Variants in GPC6 observed in about 807,000 individuals in gnomAD.
GPC6 encodes the protein glypican-6.
GPC6 carries 14 observed loss-of-function variants against 55.2 expected under a neutral mutation model. The ratio of observed to expected loss-of-function variants is 0.25; its 90% confidence interval spans 0.17 to 0.40. The LOEUF is 0.40. Ranked by LOEUF, GPC6 falls within the 10% of genes least tolerant of loss-of-function variation. The pLI is 1.00. For missense variants in GPC6, 641 were observed against 708.5 expected (o/e 0.90, Z 1.08); for synonymous variants, 278 against 259.6 (o/e 1.07, Z -0.68).
chr13:93,621,434 G>C (rs1342298904), intron 2 of GPC6, among the ~76,000 whole-genome samples: 1 of 152,152 alleles, frequency 6.6e-6, no homozygotes, highest in Non-Finnish European at 1.5e-5. Context: ...ATTAAATCTT[G>C]TGGTAGCCAT....
chr13:94,364,278 G>A (rs1026256264), intron 6 of GPC6, among the ~76,000 whole-genome samples: 6 of 152,186 alleles, frequency 3.9e-5, no homozygotes, highest in African/African-American at 1.2e-4. Context: ...TGATGCAAAG[G>A]TGAAAGTCAA....
intron 1 of GPC6, among the ~76,000 whole-genome samples, chr13:93,350,915 A>G (rs1880608828): frequency 6.6e-6 from 1 of 152,280 alleles, no homozygotes; most frequent in Middle Eastern, 3.4e-3. Context: ...AGATGATGAC[A>G]AAGAGTCACA....
At chr13:93,670,091 A>T (rs1000768269) in intron 2 of GPC6, among the ~76,000 whole-genome samples, 5 of 152,174 alleles carry the variant, frequency 3.3e-5, no homozygotes, top group African/African-American at 1.2e-4. Flanking sequence ...AGGACTTGAG[A>T]GCAGTTAAGT....
chr13:94,168,030 T>C (rs946038506), intron 4 of GPC6, among the ~76,000 whole-genome samples: 1 of 152,246 alleles, frequency 6.6e-6, no homozygotes, highest in African/African-American at 2.4e-5. Context: ...AGTAAGTGTT[T>C]GTACATAAAT....
intron 2 of GPC6, among the ~76,000 whole-genome samples, chr13:93,737,159 C>T (rs1884032875): frequency 6.6e-6 from 1 of 152,154 alleles, no homozygotes; most frequent in Non-Finnish European, 1.5e-5. Flanking sequence ...GGCCATTGCA[C>T]TATGACTGGC....
At chr13:94,178,450 T>TAA (rs1888867376) in intron 4 of GPC6, among the ~76,000 whole-genome samples, 1 of 152,176 alleles carries the variant, frequency 6.6e-6, no homozygotes, top group Non-Finnish European at 1.5e-5. Flanking sequence ...TATTAAACAG[T>TAA]GATTTCAACA....
chr13:93,692,054 C>T (rs945005231), intron 2 of GPC6, among the ~76,000 whole-genome samples: 3 of 152,014 alleles, frequency 2.0e-5, no homozygotes, highest in African/African-American at 7.2e-5. Context: ...GGGTTCCACT[C>T]ATAGAGGTTC....
intron 3 of GPC6, 66 bp from the exon 4 acceptor site, chr13:94,027,663 G>A: frequency 7.1e-7 from 1 of 1,407,470 alleles, no homozygotes. Context: ...CTGCTATTTT[G>A]TCTTTTTTTC....
intron 1 of GPC6, among the ~76,000 whole-genome samples, chr13:93,254,629 T>G (rs1032454541): frequency 2.6e-5 from 4 of 152,160 alleles, no homozygotes; most frequent in African/African-American, 9.7e-5. Flanking sequence ...TCTAGCACAT[T>G]TGAAAGTGTG....
rs754241126 is a variant in GPC6 at position 93,865,172 on chromosome 13, G to A, written c.711+34627G>A. ...GAGGCCCTTAGACTAGGCAGTAAATGTACTGCCCCCAAATCCTCCTCCTCT... is the reference window on the plus strand; with the variant it reads ...GAGGCCCTTAGACTAGGCAGTAAATATACTGCCCCCAAATCCTCCTCCTCT... On this transcript the variant is annotated intron_variant, in intron 3 of 8. Coordinates refer to ENST00000377047, the MANE Select transcript of GPC6 (RefSeq NM_005708.5). Among the ~76,000 whole-genome samples the A allele has an allele frequency of 2.4e-4, 36 of 151,676 alleles. 1 individual carries two copies. Among genetic ancestry groups the A allele is most frequent in the Non-Finnish European group, 4.0e-4 (27 of 67,746 alleles).
intron 2 of GPC6, among the ~76,000 whole-genome samples, chr13:93,790,312 A>C (rs550561013): frequency 7.9e-5 from 12 of 152,316 alleles, no homozygotes; most frequent in Non-Finnish European, 1.6e-4. Context: ...ATTATTATAC[A>C]ATAGGGCATA....
intron 2 of GPC6, among the ~76,000 whole-genome samples, chr13:93,797,279 A>G (rs573598752): frequency 3.3e-5 from 5 of 152,312 alleles, no homozygotes; most frequent in Non-Finnish European, 5.9e-5. Flanking sequence ...TACCAAGGGT[A>G]AATATGTATA....
chr13:93,537,002 C>T (rs1009301489), intron 1 of GPC6, among the ~76,000 whole-genome samples: 1 of 152,112 alleles, frequency 6.6e-6, no homozygotes, highest in African/African-American at 2.4e-5. Flanking sequence ...AAATATTCCA[C>T]GAGAGTTAAC....
chr13:94,134,894 A>C (rs1887127873), intron 4 of GPC6, among the ~76,000 whole-genome samples: 1 of 152,168 alleles, frequency 6.6e-6, no homozygotes, highest in Non-Finnish European at 1.5e-5. Flanking sequence ...CTTCTTCTAA[A>C]TCACATAAGA....
chr13:94,081,220 CATTCA>C (rs1175679693), intron 4 of GPC6, among the ~76,000 whole-genome samples: 1 of 152,142 alleles, frequency 6.6e-6, no homozygotes, highest in Non-Finnish European at 1.5e-5. Flanking sequence ...ATCAGCCAAC[CATTCA>C]ATTCATTTCT....
chr13:94,286,558 TG>T, intron 5 of GPC6, 79 bp downstream of exon 5: 1 of 1,252,026 alleles, frequency 8.0e-7, no homozygotes. Context: ...TAACTAGATA[TG>T]TCGGCTGGGC....
intron 2 of GPC6, among the ~76,000 whole-genome samples, chr13:93,706,884 T>C (rs954772319): frequency 6.6e-6 from 1 of 151,836 alleles, no homozygotes; most frequent in Non-Finnish European, 1.5e-5. Flanking sequence ...TGGTAAGATA[T>C]GAACAATGGT....
rs1350145303 is a variant in GPC6 at position 93,798,226 on chromosome 13, CTG to C, written c.320-31927_320-31926del. Among the ~76,000 whole-genome samples, 12 of 152,216 alleles carry C rather than the reference CTG, an allele frequency of 7.9e-5. No homozygotes were observed. In the East Asian group the frequency reaches 2.3e-3, roughly 29 times the overall value. On this transcript the variant is annotated intron_variant, in intron 2 of 8. Transcript: ENST00000377047. ...ATGATGAAGGTGTGAAAAAGAGAAA[CTG>C]AACTGACAACTTTAAAGTTGTATTT... is the stretch of plus-strand genomic sequence containing the variant.
At chr13:93,284,936 A>G (rs948809581) in intron 1 of GPC6, among the ~76,000 whole-genome samples, 3 of 152,326 alleles carry the variant, frequency 2.0e-5, no homozygotes, top group South Asian at 2.1e-4. Context: ...GCAAAGTAAT[A>G]TCTTTACTGA....
Sources: gnomAD v4.1 joint callset for allele counts (sites outside exome capture counted in the v4.1 genomes callset) on GRCh38, gnomAD v4.1.1 for gene constraint, MANE v1.5 for transcripts, NCBI Gene and HGNC (gene_info 2026-07-23, HGNC 2026-07-21) for gene names.